The following UBE2E1 variants were observed in gnomAD, a reference collection of about 807,000 sequenced individuals.
UBE2E1 encodes ubiquitin conjugating enzyme E2 E1, also known as ubiquitin-conjugating enzyme E2 E1.
A neutral mutation model predicts 21.4 loss-of-function variants in UBE2E1; 6 were observed. The ratio of observed to expected loss-of-function variants is 0.28; its 90% CI spans 0.15 to 0.55. The LOEUF is 0.55. Among genes scored for constraint, UBE2E1 ranks in the 20% least tolerant of loss-of-function variants. UBE2E1 has a pLI of 0.93. For missense variants in UBE2E1, 142 were observed against 236.5 expected, an observed-to-expected ratio of 0.60 and a Z score of 2.62; for synonymous variants, 87 against 82.7, an observed-to-expected ratio of 1.05 and a Z score of -0.28.
chr3:23,823,019 G>C lies in UBE2E1; in HGVS notation c.203+11509G>C, dbSNP rs1218569816. Reference sequence around the variant, plus strand: ...GTGCCACCACGCCCAGCTAATTTTTGTATTTTTAGTGGAGATGGGGTTTCA... The same window carrying C: ...GTGCCACCACGCCCAGCTAATTTTTCTATTTTTAGTGGAGATGGGGTTTCA... On this transcript the variant is annotated intron_variant, in intron 3 of 5. Transcript: ENST00000306627. This position sits in a 1 kb window ranked among gnomAD's most constrained non-coding sequence, Gnocchi z 4.2. Among the ~76,000 whole-genome samples the C allele has an allele frequency of 6.6e-6, 1 of 152,038 alleles. No individual in the cohort carries two copies. The highest frequency in any genetic ancestry group is 1.5e-5 in the Non-Finnish European group (1 of 67,996).
intron 2 of UBE2E1, among the ~76,000 whole-genome samples, chr3:23,809,724 T>G (rs1174254144): frequency 6.6e-6 from 1 of 152,208 alleles, no homozygotes; most frequent in Non-Finnish European, 1.5e-5. Flanking sequence ...AATATGTATT[T>G]TTATATGCGT....
At chr3:23,879,834 A>T (rs1700997355) in intron 3 of UBE2E1, among the ~76,000 whole-genome samples, 1 of 152,256 alleles carries the variant, frequency 6.6e-6, no homozygotes, top group African/African-American at 2.4e-5. Flanking sequence ...GCAGATAACT[A>T]AGCCTTCTAA....
rs750445122 is a variant in UBE2E1 at position 23,836,918 on chromosome 3, T to G, written c.203+25408T>G. ...AAGATAAAGCTCTTGTTAAGTAGTT[T>G]ATGGTCTATCATGAAAAGATGGGCA... On this transcript the variant is annotated intron_variant, in intron 3 of 5. Coordinates refer to ENST00000306627, the MANE Select transcript of UBE2E1 (RefSeq NM_003341.5). The surrounding 1 kb of genome is among the most constrained non-coding windows in gnomAD (Gnocchi z 4.1). 6.6e-6 allele frequency among the ~76,000 whole-genome samples: 1 copy of G among 152,188 alleles called. No homozygotes were observed. The highest frequency in any genetic ancestry group is 1.5e-5 in the Non-Finnish European group (1 of 68,030).
Position 23,876,178 on chromosome 3 carries a change from T to C in UBE2E1, c.204-11389T>C, listed in dbSNP as rs903990325. 6.6e-6 allele frequency among the ~76,000 whole-genome samples: 1 copy of C among 152,188 alleles called. No individual in the cohort carries two copies. The highest frequency in any genetic ancestry group is 2.4e-5 in the African/African-American group (1 of 41,430). ...GGGATAGTTAACCTGAATGGTACAT[T>C]CCTCACAGTACCAGAGCCTCTTCCT... On this transcript the variant is annotated intron_variant, in intron 3 of 5. Coordinates refer to ENST00000306627, the MANE Select transcript of UBE2E1 (RefSeq NM_003341.5). This position sits in a 1 kb window ranked among gnomAD's most constrained non-coding sequence, Gnocchi z 4.3.
rs1458758324 is a variant in UBE2E1 at position 23,847,940 on chromosome 3, A to G, written c.203+36430A>G. Among the ~76,000 whole-genome samples the G allele has an allele frequency of 2.0e-5, 3 of 152,200 alleles. No homozygotes were observed. The East Asian group carries it at 5.8e-4, about 29-fold the overall frequency. The stretch of plus-strand genomic sequence containing the variant: ...TTGTGCATCCTGTGTGAATTACTTT[A>G]GATATACTTAATCTATAATAATAGA... On this transcript the variant is annotated intron_variant, in intron 3 of 5. Coordinates refer to ENST00000306627, the MANE Select transcript of UBE2E1 (RefSeq NM_003341.5).
At chr3:23,848,171 G>A (rs187072638) in intron 3 of UBE2E1, among the ~76,000 whole-genome samples, 206 of 152,192 alleles carry the variant, frequency 1.4e-3, no homozygotes, top group African/African-American at 4.7e-3. Flanking sequence ...AAGGAAAAAC[G>A]TATATTAAAT....
At chr3:23,888,595 A>AT (rs1470456585) in intron 4 of UBE2E1, among the ~76,000 whole-genome samples, 2 of 152,210 alleles carry the variant, frequency 1.3e-5, no homozygotes, top group East Asian at 3.8e-4. Flanking sequence ...GGTAGACAGG[A>AT]TGTCTATAGG....
In UBE2E1 at chr3:23,810,561, C is replaced by T; in HGVS notation, c.153-899C>T. ...GAGGTGGGCCGAGAGTCCCGGCCAGCGTGCGGGGCGGAGGCAGGGTCCGGT... is the reference window on the plus strand; with the variant it reads ...GAGGTGGGCCGAGAGTCCCGGCCAGTGTGCGGGGCGGAGGCAGGGTCCGGT... On this transcript the variant is annotated intron_variant, in intron 2 of 5. Coordinates refer to ENST00000306627, the MANE Select transcript of UBE2E1 (RefSeq NM_003341.5). This position sits in a 1 kb window ranked among gnomAD's most constrained non-coding sequence, Gnocchi z 5.8. 1 of 1,522,630 alleles carries T rather than the reference C, an allele frequency of 6.6e-7. No individual in the cohort carries two copies. Among genetic ancestry groups the T allele is most frequent in the Non-Finnish European group, 8.8e-7 (1 of 1,138,302 alleles). 94.3% of individuals were successfully genotyped at this position (1,522,630 alleles called of 1,614,324 possible).
chr3:23,842,615 G>A lies in UBE2E1; in HGVS notation c.203+31105G>A, dbSNP rs1216678256. ...CTGAATTCATAGCTTGAGGAAATAAGTCGGAGTCTCATACCTCTGTGTCAA... is the reference window on the plus strand; with the variant it reads ...CTGAATTCATAGCTTGAGGAAATAAATCGGAGTCTCATACCTCTGTGTCAA... On this transcript the variant is annotated intron_variant, in intron 3 of 5. Transcript: ENST00000306627. The surrounding 1 kb of genome is among the most constrained non-coding windows in gnomAD (Gnocchi z 4.6). 6.6e-6 allele frequency among the ~76,000 whole-genome samples: 1 copy of A among 152,154 alleles called. No individual in the cohort carries two copies. The highest frequency in any genetic ancestry group is 2.1e-4 in the South Asian group (1 of 4,834).
At chr3:23,856,983 CAG>C (rs1239958167) in intron 3 of UBE2E1, among the ~76,000 whole-genome samples, 2 of 125,188 alleles carry the variant, frequency 1.6e-5, no homozygotes, top group African/African-American at 6.4e-5. Context: ...GCCTGGGTGA[CAG>C]AGCTAGGCTG....
rs1699619000 is a variant in UBE2E1 at position 23,820,271 on chromosome 3, G to GAAA, written c.203+8761_203+8762insAAA. Reference sequence around the variant, plus strand: ...TGTCAGAATATGCTTCTAATCCTCTGGGAAACCTCCTCCTTTATAGGCTAA... The same window carrying GAAA: ...TGTCAGAATATGCTTCTAATCCTCTGAAAGGAAACCTCCTCCTTTATAGGCTAA... On this transcript the variant is annotated intron_variant, in intron 3 of 5. Coordinates refer to ENST00000306627, the MANE Select transcript of UBE2E1 (RefSeq NM_003341.5). Among the ~76,000 whole-genome samples the GAAA allele has an allele frequency of 1.3e-5, 2 of 152,172 alleles. 1 individual carries two copies. The highest frequency in any genetic ancestry group is 1.3e-4 in the Admixed American group (2 of 15,284).
intron 3 of UBE2E1, among the ~76,000 whole-genome samples, chr3:23,835,869 G>T (rs548072171): frequency 6.6e-6 from 1 of 152,126 alleles, no homozygotes; most frequent in Non-Finnish European, 1.5e-5. Context: ...AAAATAAAAG[G>T]TTCATTTCAA....
At position 23,823,007 on chromosome 3, in the gene UBE2E1, C is replaced by CT. The variant is rs1409856682; in HGVS notation, c.203+11497_203+11498insT. On this transcript the variant is annotated intron_variant, in intron 3 of 5. Coordinates refer to ENST00000306627, the MANE Select transcript of UBE2E1 (RefSeq NM_003341.5). This position sits in a 1 kb window ranked among gnomAD's most constrained non-coding sequence, Gnocchi z 4.2. Reference sequence around the variant, plus strand: ...GGTTACAGGCATGTGCCACCACGCCCAGCTAATTTTTGTATTTTTAGTGGA... The same window carrying CT: ...GGTTACAGGCATGTGCCACCACGCCCTAGCTAATTTTTGTATTTTTAGTGGA... Among the ~76,000 whole-genome samples, 1 of 152,046 alleles carries CT rather than the reference C, an allele frequency of 6.6e-6. No individual in the cohort carries two copies. Among genetic ancestry groups the CT allele is most frequent in the Non-Finnish European group, 1.5e-5 (1 of 68,012 alleles).
chr3:23,864,800 C>T (rs1360107675), intron 3 of UBE2E1, among the ~76,000 whole-genome samples: 2 of 152,208 alleles, frequency 1.3e-5, no homozygotes, highest in African/African-American at 4.8e-5. Flanking sequence ...CTGAGTCGCT[C>T]ATATTCCCCA....
intron 3 of UBE2E1, among the ~76,000 whole-genome samples, chr3:23,819,419 G>A (rs1699597765): frequency 1.3e-5 from 2 of 152,206 alleles, no homozygotes; most frequent in African/African-American, 4.8e-5. Flanking sequence ...AAGGCTGGTA[G>A]CCTGGAATTT....
chr3:23,872,867 A>C (rs1700833193), intron 3 of UBE2E1, among the ~76,000 whole-genome samples: 1 of 152,026 alleles, frequency 6.6e-6, no homozygotes, highest in South Asian at 2.1e-4. Flanking sequence ...AAATACAAAA[A>C]TTAGTCGGGC....
At position 23,885,824 on chromosome 3, in the gene UBE2E1, C is replaced by T. The variant is rs544187734; in HGVS notation, c.204-1743C>T. 2.4e-4 allele frequency among the ~76,000 whole-genome samples: 36 copies of T among 152,284 alleles called. 1 individual carries two copies. In the South Asian group the frequency reaches 7.3e-3, roughly 31 times the overall value. ...GCATTGAGCCGAGATCGTGCCATTG[C>T]ACTCCAGCCTGGGCAACAAGAGCAA... On this transcript the variant is annotated intron_variant, in intron 3 of 5. Coordinates refer to ENST00000306627, the MANE Select transcript of UBE2E1 (RefSeq NM_003341.5).
At chr3:23,822,495 CA>C (rs34238656) in intron 3 of UBE2E1, among the ~76,000 whole-genome samples, 1 of 151,524 alleles carries the variant, frequency 6.6e-6, no homozygotes, top group Non-Finnish European at 1.5e-5. Context: ...CTTTCCTCAC[CA>C]AAAAAAGTTA....
At chr3:23,807,151 CA>C in intron 1 of UBE2E1, 85 bp from the exon 2 acceptor site, 1 of 1,203,670 alleles carries the variant, frequency 8.3e-7, no homozygotes, top group Non-Finnish European at 1.1e-6. Context: ...CGCCCCTGGT[CA>C]ATGCCCTCCT....
Sources: allele counts gnomAD v4.1 joint callset (sites outside exome capture counted in the v4.1 genomes callset), GRCh38; gene constraint gnomAD v4.1.1; non-coding constraint Gnocchi (gnomAD v3.1); transcripts MANE v1.5; gene names NCBI Gene and HGNC (gene_info 2026-07-23, HGNC 2026-07-21).